Variants in CADPS2 observed in about 807,000 individuals in gnomAD.
CADPS2 encodes calcium-dependent secretion activator 2.
In CADPS2, 93 loss-of-function variants were observed where a neutral mutation model predicts 172.5. The ratio of observed to expected loss-of-function variants is 0.54; its 90% CI spans 0.46 to 0.64. The LOEUF is 0.64. CADPS2 is among the 30% of genes least tolerant of loss of function. The probability of loss-of-function intolerance (pLI) is 0.00; values close to 1 mark genes in which losing one functional copy is unlikely to be tolerated. For synonymous variants in CADPS2, 546 were observed against 555.2 expected, an observed-to-expected ratio of 0.98 and a Z score of 0.23; for missense variants, 1,420 against 1,565.9, an observed-to-expected ratio of 0.91 and a Z score of 1.57.
intron 6 of CADPS2, among the ~76,000 whole-genome samples, chr7:122,598,841 T>G (rs1267843896): frequency 6.6e-6 from 1 of 152,094 alleles, no homozygotes; most frequent in Non-Finnish European, 1.5e-5. Flanking sequence ...GAATAAGACC[T>G]GCCTTCTGTC....
chr7:122,697,443 G>A (rs1258740151), intron 2 of CADPS2, among the ~76,000 whole-genome samples: 1 of 152,022 alleles, frequency 6.6e-6, no homozygotes, highest in African/African-American at 2.4e-5. Flanking sequence ...TTACATATCA[G>A]TAATTTTCTT....
chr7:122,490,076 C>A lies in CADPS2; in HGVS notation c.1852+5G>T. ...ATAATCAAATTATTTTTTAACAAAA[C>A]TTACAAAGCTGAGCATCTGCATGGA... On this transcript the variant is annotated splice_donor_5th_base_variant and intron_variant, in intron 11 of 29. Transcript: ENST00000449022. 1 of 1,612,158 alleles carries A rather than the reference C, an allele frequency of 6.2e-7. No homozygotes were observed. The highest frequency in any genetic ancestry group is 8.5e-7 in the Non-Finnish European group (1 of 1,178,898).
At chr7:122,414,021 AAAGAGGTATCC>A in intron 19 of CADPS2, 36 bp downstream of exon 19, 1 of 1,493,950 alleles carries the variant, frequency 6.7e-7, no homozygotes, top group African/African-American at 1.4e-5. Flanking sequence ...AATTCACATA[AAAGAGGTATCC>A]TATGCTAATA....
intron 20 of CADPS2, among the ~76,000 whole-genome samples, chr7:122,401,135 T>C (rs1400829267): frequency 1.3e-5 from 2 of 152,216 alleles, no homozygotes; most frequent in Non-Finnish European, 2.9e-5. Context: ...TTCCAATTTT[T>C]CCTTTTTCGA....
chr7:122,573,299 T>C (rs374569753), intron 7 of CADPS2, among the ~76,000 whole-genome samples: 1 of 152,068 alleles, frequency 6.6e-6, no homozygotes, highest in African/African-American at 2.4e-5. Context: ...CCCTACACTT[T>C]GGGAGGTTGG....
intron 2 of CADPS2, among the ~76,000 whole-genome samples, chr7:122,703,275 T>C (rs1011141444): frequency 2.6e-5 from 4 of 152,178 alleles, no homozygotes; most frequent in Non-Finnish European, 5.9e-5. Flanking sequence ...TATTAGTGCA[T>C]GTACCTGGGC....
At chr7:122,577,348 C>T (rs1380844235) in intron 7 of CADPS2, among the ~76,000 whole-genome samples, 2 of 152,074 alleles carry the variant, frequency 1.3e-5, no homozygotes, top group Non-Finnish European at 2.9e-5. Flanking sequence ...GCTGACAACC[C>T]ACCTCAGCTC....
At chr7:122,701,237 A>G (rs1228826273) in intron 2 of CADPS2, among the ~76,000 whole-genome samples, 1 of 152,238 alleles carries the variant, frequency 6.6e-6, no homozygotes. Flanking sequence ...TGGCACATAT[A>G]CACCATGGAA....
intron 14 of CADPS2, among the ~76,000 whole-genome samples, chr7:122,468,980 G>A (rs1249262669): frequency 6.6e-6 from 1 of 152,142 alleles, no homozygotes; most frequent in African/African-American, 2.4e-5. Flanking sequence ...AGAGATACCT[G>A]AATGTGTACA....
At chr7:122,765,877 T>C (rs1473109209) in intron 1 of CADPS2, among the ~76,000 whole-genome samples, 1 of 152,070 alleles carries the variant, frequency 6.6e-6, no homozygotes, top group African/African-American at 2.4e-5. Flanking sequence ...AAAATCCAGG[T>C]TGGATTTCTG....
At chr7:122,734,515 A>G (rs1420780280) in intron 2 of CADPS2, among the ~76,000 whole-genome samples, 1 of 151,710 alleles carries the variant, frequency 6.6e-6, no homozygotes, top group Non-Finnish European at 1.5e-5. Flanking sequence ...TAATACTTGC[A>G]CTGTTTATTG....
intron 2 of CADPS2, chr7:122,698,453 C>T (rs773499369): frequency 1.9e-6 from 3 of 1,613,858 alleles, no homozygotes; most frequent in Non-Finnish European, 2.5e-6. Context: ...TTTAAGTTAC[C>T]AATCATAACC....
intron 17 of CADPS2, among the ~76,000 whole-genome samples, chr7:122,416,371 T>C (rs2047923076): frequency 6.6e-6 from 1 of 151,834 alleles, no homozygotes. Context: ...CTGCAAGTGC[T>C]TTGCCATTTA....
chr7:122,459,210 T>G (rs2054156976), intron 14 of CADPS2, among the ~76,000 whole-genome samples: 1 of 151,898 alleles, frequency 6.6e-6, no homozygotes, highest in Non-Finnish European at 1.5e-5. Flanking sequence ...TAATTTATAA[T>G]GAAATAATTA....
At chr7:122,617,135 C>T (rs2075012937) in intron 5 of CADPS2, among the ~76,000 whole-genome samples, 1 of 152,180 alleles carries the variant, frequency 6.6e-6, no homozygotes, top group Non-Finnish European at 1.5e-5. Flanking sequence ...GTCACCTCTA[C>T]TATAAGCTAC....
intron 1 of CADPS2, among the ~76,000 whole-genome samples, chr7:122,797,022 AC>A (rs755985780): frequency 3.9e-5 from 6 of 152,000 alleles, no homozygotes; most frequent in Admixed American, 2.0e-4. Flanking sequence ...AGAAAAAAAA[AC>A]ATTAAAAAGC....
intron 1 of CADPS2, among the ~76,000 whole-genome samples, chr7:122,861,183 T>C (rs1816860778): frequency 6.6e-6 from 1 of 152,188 alleles, no homozygotes; most frequent in South Asian, 2.1e-4. Flanking sequence ...TCCCATTCTG[T>C]TTTCCATAAT....
At chr7:122,719,793 T>C (rs557305625) in intron 2 of CADPS2, among the ~76,000 whole-genome samples, 36 of 152,138 alleles carry the variant, frequency 2.4e-4, no homozygotes, top group Middle Eastern at 3.4e-3. Context: ...TCCAAGGTGA[T>C]TGAAAAAAAT....
At chr7:122,338,100 T>C (rs1364284400) in intron 28 of CADPS2, among the ~76,000 whole-genome samples, 4 of 152,202 alleles carry the variant, frequency 2.6e-5, no homozygotes, top group African/African-American at 7.2e-5. Flanking sequence ...ACAATGTTTA[T>C]AAATAAATTG....
Sources: allele counts gnomAD v4.1 joint callset (sites outside exome capture counted in the v4.1 genomes callset), GRCh38; gene constraint gnomAD v4.1.1; transcripts MANE v1.5; gene names NCBI Gene and HGNC (gene_info 2026-07-23, HGNC 2026-07-21).